The following ERCC6L2 variants were observed in gnomAD, a reference collection of about 807,000 sequenced individuals.
ERCC6L2 encodes the protein ERCC excision repair 6 like 2, also known as DNA excision repair protein ERCC-6-like 2.
ERCC6L2 carries 77 observed loss-of-function variants against 132.0 expected under a neutral mutation model. The observed-to-expected ratio is 0.58, with a 90% confidence interval of 0.49 to 0.71. The LOEUF is 0.71. ERCC6L2 is among the 30% of genes least tolerant of loss of function. The pLI, the probability that ERCC6L2 is intolerant of heterozygous loss-of-function variation, is 0.00. For missense variants in ERCC6L2, 1,542 were observed against 1,837.6 expected (o/e 0.84, Z 2.94); for synonymous variants, 583 against 632.4 (o/e 0.92, Z 1.17).
At chr9:95,955,063 C>T (rs1413884332) in intron 12 of ERCC6L2, 1 of 365,070 alleles carries the variant, frequency 2.7e-6, no homozygotes, top group Non-Finnish European at 5.4e-6. Context: ...CTGTAACAGG[C>T]ATTGGGTGCT....
chr9:95,941,243 G>GT (rs1159329966), intron 11 of ERCC6L2, among the ~76,000 whole-genome samples: 1 of 152,044 alleles, frequency 6.6e-6, no homozygotes, highest in Non-Finnish European at 1.5e-5. Flanking sequence ...CTAATGACCA[G>GT]TTTTTTAGGG....
intron 17 of ERCC6L2, among the ~76,000 whole-genome samples, chr9:95,987,430 A>T (rs1833136909): frequency 6.6e-6 from 1 of 152,156 alleles, no homozygotes; most frequent in Non-Finnish European, 1.5e-5. Flanking sequence ...ATGGGAGAAA[A>T]TTGGCCAAAA....
rs1250916580 is a variant in ERCC6L2 at position 95,972,102 on chromosome 9, C to T, written c.2351C>T (p.Ser784Phe). The change falls in exon 16 of 19, where the codon TCT becomes TTT. Residue 784 changes from serine to phenylalanine, a missense_variant. By Grantham distance (155) the Ser-to-Phe change is radical. Around this residue, in one of 4 missense-constraint regions of ERCC6L2, gnomAD observed 945 missense variants for 1,105.2 expected, o/e 0.86. Transcript: ENST00000653738. ...KAPDSSKASSSPGQLTLLQCG... is the reference protein window; with the variant it reads ...KAPDSSKASSFPGQLTLLQCG... ...CCCGATTCAAGTAAAGCTTCCAGCT[C>T]TCCAGGACAGCTTACCTTACTCCAG... is the stretch of plus-strand genomic sequence containing the variant. 5 of 1,304,140 alleles carry T rather than the reference C, an allele frequency of 3.8e-6. No individual in the cohort carries two copies. The highest frequency in any genetic ancestry group is 5.1e-6 in the Non-Finnish European group (5 of 988,966). 80.8% of individuals were successfully genotyped at this position (1,304,140 alleles called of 1,614,324 possible). A position where few individuals can be genotyped will look rare whatever the true frequency, so the allele number is the denominator to read the frequency against.
At chr9:96,022,320 G>A (rs1834305828), downstream of ERCC6L2, among the ~76,000 whole-genome samples, 2 of 152,232 alleles carry the variant, frequency 1.3e-5, no homozygotes, top group African/African-American at 2.4e-5. Flanking sequence ...CCACATAGCA[G>A]GCTAAGGGGA....
At chr9:95,907,857 C>CACACAAA in intron 4 of ERCC6L2, among the ~76,000 whole-genome samples, 1 of 133,736 alleles carries the variant, frequency 7.5e-6, no homozygotes, top group African/African-American at 2.8e-5. Flanking sequence ...ACACACACAC[C>CACACAAA]CCCACACCCA....
Position 95,876,103 on chromosome 9 carries a change from C to T in ERCC6L2, c.46+19C>T. On this transcript the variant is annotated intron_variant, in intron 1 of 18. Coordinates refer to ENST00000653738, the MANE Select transcript of ERCC6L2 (RefSeq NM_020207.7). Reference sequence around the variant, plus strand: ...GGCAAAGGTACCAGCTCCGCGCTCGCCCCTTACGCAGAGGCCTGTGTACTG... The same window carrying T: ...GGCAAAGGTACCAGCTCCGCGCTCGTCCCTTACGCAGAGGCCTGTGTACTG... The T allele has an allele frequency of 6.4e-7, 1 of 1,558,020 alleles. No homozygotes were observed. Among genetic ancestry groups the T allele is most frequent in the Non-Finnish European group, 8.7e-7 (1 of 1,151,052 alleles).
chr9:95,965,815 A>G (rs759103009), intron 13 of ERCC6L2, among the ~76,000 whole-genome samples: 3 of 152,136 alleles, frequency 2.0e-5, no homozygotes, highest in Non-Finnish European at 4.4e-5. Context: ...CCGGCCCTTA[A>G]GCATCATTTT....
intron 17 of ERCC6L2, among the ~76,000 whole-genome samples, chr9:96,000,652 A>G (rs1455422077): frequency 6.6e-6 from 1 of 152,198 alleles, no homozygotes; most frequent in South Asian, 2.1e-4. Flanking sequence ...ATTAAAAAAA[A>G]GACCAGACAC....
downstream of ERCC6L2, among the ~76,000 whole-genome samples, chr9:96,022,679 TG>T (rs1158196664): frequency 3.9e-5 from 6 of 152,108 alleles, no homozygotes; most frequent in Admixed American, 1.3e-4. Flanking sequence ...GGATGCTGAA[TG>T]GGTCAGGCAG....
At chr9:95,886,947 C>G (rs2132543159) in intron 2 of ERCC6L2, among the ~76,000 whole-genome samples, 1 of 152,348 alleles carries the variant, frequency 6.6e-6, no homozygotes, top group South Asian at 2.1e-4. Flanking sequence ...CTGGATGCTT[C>G]CTGTCCTTGA....
intron 9 of ERCC6L2, 49 bp from the exon 10 acceptor site, chr9:95,928,030 G>A (rs757874637): frequency 3.2e-6 from 4 of 1,239,524 alleles, no homozygotes; most frequent in Admixed American, 3.4e-5. Context: ...TGTATAAAGT[G>A]TACTTTTAGT....
Position 95,984,486 on chromosome 9 carries a change from G to A in ERCC6L2, c.3492+6271G>A, listed in dbSNP as rs368869998. 3.2e-4 allele frequency among the ~76,000 whole-genome samples: 49 copies of A among 151,726 alleles called. 1 individual carries two copies. In the Middle Eastern group the frequency reaches 0.014, roughly 42 times the overall value. ...CCCATTCAAGATCTACCTCAAATGC[G>A]TCCTCTCTTCCACAAAGTCTGCCCT... On this transcript the variant is annotated intron_variant, in intron 17 of 18. Transcript: ENST00000653738.
At chr9:95,993,597 G>GTGATGC (rs1241523244) in intron 17 of ERCC6L2, among the ~76,000 whole-genome samples, 4 of 152,168 alleles carry the variant, frequency 2.6e-5, no homozygotes, top group Admixed American at 2.6e-4. Context: ...ACCCCTATAA[G>GTGATGC]TGATGCTGAA....
At chr9:95,902,878 T>C (rs958068377) in intron 3 of ERCC6L2, among the ~76,000 whole-genome samples, 4 of 152,134 alleles carry the variant, frequency 2.6e-5, no homozygotes, top group Non-Finnish European at 2.9e-5. Context: ...TCCTTAACGA[T>C]ATATCCTGGA....
chr9:95,978,082 A>C lies in ERCC6L2; in HGVS notation c.3359A>C (p.Tyr1120Ser), dbSNP rs201342012. 1.5e-6 allele frequency: 2 copies of C among 1,367,028 alleles called. No individual in the cohort carries two copies. The highest frequency in any genetic ancestry group is 2.0e-6 in the Non-Finnish European group (2 of 1,021,600). 84.7% of individuals were successfully genotyped at this position (1,367,028 alleles called of 1,614,324 possible). A position where few individuals can be genotyped will look rare whatever the true frequency, so the allele number is the denominator to read the frequency against. ...KFLDGVQEVA[Y>S]IHSNQNVIGS... ...CTAGATGGCGTTCAGGAAGTGGCTT[A>C]TATTCACTCAAACCAGAATGTAATT... is the stretch of plus-strand genomic sequence containing the variant. Residue 1120 changes from tyrosine (Y) to serine (S), a missense_variant, in exon 17 of 19, where the codon TAT (tyrosine) becomes TCT (serine). Physicochemically the swap from Tyr to Ser is moderately radical, Grantham distance 144. Transcript: ENST00000653738.
In ERCC6L2 at chr9:96,013,367, T is replaced by G. The variant is rs1027304952; in HGVS notation, c.*164T>G. On this transcript the variant is annotated 3_prime_UTR_variant, in exon 19 of 19. Coordinates refer to ENST00000653738, the MANE Select transcript of ERCC6L2 (RefSeq NM_020207.7). ...CTAAAGTATTGTCATGGATCTGTTT[T>G]TCTTGATATTTGATTTGATCTTTCA... 2.3e-5 allele frequency: 10 copies of G among 438,140 alleles called. No individual in the cohort carries two copies. The highest frequency in any genetic ancestry group is 2.2e-4 in the Admixed American group (5 of 22,834). 27.1% of individuals were successfully genotyped at this position (438,140 alleles called of 1,614,324 possible). A position where few individuals can be genotyped will look rare whatever the true frequency, so the allele number is the denominator to read the frequency against.
chr9:95,898,902 T>C (rs1345768089), intron 3 of ERCC6L2, among the ~76,000 whole-genome samples: 2 of 152,168 alleles, frequency 1.3e-5, no homozygotes, highest in African/African-American at 2.4e-5. Context: ...TATTTTTCAG[T>C]AGAATAAATG....
rs1321516810 is a variant in ERCC6L2 at position 96,011,722 on chromosome 9, G to A, written c.3675-503G>A. Among the ~76,000 whole-genome samples the A allele has an allele frequency of 2.6e-5, 4 of 152,178 alleles. No individual in the cohort carries two copies. In the South Asian group the frequency reaches 8.3e-4, roughly 31 times the overall value. On this transcript the variant is annotated intron_variant, in intron 18 of 18. Coordinates refer to ENST00000653738, the MANE Select transcript of ERCC6L2 (RefSeq NM_020207.7). ...AACTTTCCTTTGGGCTCATCAAAAA[G>A]TCTTGTGCGATTTCTATGTTGTATT...
At chr9:95,956,783 T>C (rs1338898559) in intron 13 of ERCC6L2, among the ~76,000 whole-genome samples, 1 of 152,170 alleles carries the variant, frequency 6.6e-6, no homozygotes, top group Admixed American at 6.6e-5. Flanking sequence ...ACTGGATCCC[T>C]GCCACAGCAT....
Sources: allele counts gnomAD v4.1 joint callset (sites outside exome capture counted in the v4.1 genomes callset), GRCh38; gene constraint gnomAD v4.1.1; regional missense constraint gnomAD v4.1.1; transcripts MANE v1.5; gene names NCBI Gene and HGNC (gene_info 2026-07-23, HGNC 2026-07-21).